The following FARS2 variants were observed in gnomAD, a reference collection of about 807,000 sequenced individuals.
FARS2 encodes phenylalanine--tRNA ligase, mitochondrial.
Under a neutral mutation model 46.4 loss-of-function variants are expected in FARS2, and 40 were observed. The observed-to-expected ratio is 0.86, with a 90% confidence interval of 0.67 to 1.12. The LOEUF (loss-of-function observed/expected upper bound fraction) is 1.12, where lower values mean the gene tolerates loss of function less well. Among genes scored for constraint, FARS2 ranks in the 50% most tolerant of loss-of-function variants. The pLI is 0.00. For synonymous variants in FARS2, 234 were observed against 214.9 expected (o/e 1.09, Z -0.78); for missense variants, 513 against 567.9 (o/e 0.90, Z 0.98).
chr6:5,736,768 A>C (rs753631369), intron 6 of FARS2, among the ~76,000 whole-genome samples: 5 of 152,004 alleles, frequency 3.3e-5, no homozygotes, highest in Non-Finnish European at 7.3e-5. Context: ...TCTTGCATAA[A>C]TTTAAACCAC....
rs1760336079 is a variant in FARS2, at chr6:5,727,393, C to T, written c.1218-43898C>T. 6.6e-6 allele frequency among the ~76,000 whole-genome samples: 1 copy of T among 152,218 alleles called. No individual in the cohort carries two copies. The highest frequency in any genetic ancestry group is 1.5e-5 in the Non-Finnish European group (1 of 68,038). ...CTCTGAGGCAGTGGTGTCACTTATA[C>T]TTGTTACACTTTTCAGAGGCAGGGT... On this transcript the variant is annotated intron_variant, in intron 6 of 6. Coordinates refer to ENST00000274680, the MANE Select transcript of FARS2 (RefSeq NM_006567.5). This position sits in a 1 kb window ranked among gnomAD's most constrained non-coding sequence, Gnocchi z 4.1.
At chr6:5,750,248 A>T (rs1324416300) in intron 6 of FARS2, among the ~76,000 whole-genome samples, 1 of 151,910 alleles carries the variant, frequency 6.6e-6, no homozygotes, top group African/African-American at 2.4e-5. Flanking sequence ...AATGAGCGGG[A>T]ATTGATGAAA....
chr6:5,641,502 G>T (rs962611722), intron 6 of FARS2, among the ~76,000 whole-genome samples: 2 of 152,056 alleles, frequency 1.3e-5, no homozygotes, highest in Non-Finnish European at 2.9e-5. Context: ...TTGCCATGTT[G>T]GCCAGGCTGG....
intron 4 of FARS2, among the ~76,000 whole-genome samples, chr6:5,479,380 A>C (rs746973037): frequency 2.0e-5 from 3 of 152,176 alleles, no homozygotes; most frequent in Non-Finnish European, 4.4e-5. Context: ...CATAGAGTGC[A>C]TTTTAGGAGG....
At chr6:5,442,916 C>T (rs1349216339) in intron 4 of FARS2, among the ~76,000 whole-genome samples, 1 of 152,176 alleles carries the variant, frequency 6.6e-6, no homozygotes, top group Non-Finnish European at 1.5e-5. Flanking sequence ...CAACTTCTCT[C>T]AAGCTGTGGT....
rs185695462 is a variant in FARS2 at position 5,331,544 on chromosome 6, G to A, written c.-21-37006G>A. Among the ~76,000 whole-genome samples the A allele has an allele frequency of 2.4e-4, 37 of 152,284 alleles. 1 individual carries two copies. The highest frequency in any genetic ancestry group is 8.7e-4 in the African/African-American group (36 of 41,554). On this transcript the variant is annotated intron_variant, in intron 1 of 6. Coordinates refer to ENST00000274680, the MANE Select transcript of FARS2 (RefSeq NM_006567.5). ...CACATTTGTCTCTAGTTCCCCTGGT[G>A]CTATTATTGCCAATAGTGCAATAAC...
intron 2 of FARS2, among the ~76,000 whole-genome samples, chr6:5,379,340 G>A (rs1027133399): frequency 6.6e-6 from 1 of 152,206 alleles, no homozygotes; most frequent in Non-Finnish European, 1.5e-5. Context: ...ACATGTGTCT[G>A]TTAGGGTCCA....
At chr6:5,590,748 T>A (rs1417453706) in intron 5 of FARS2, among the ~76,000 whole-genome samples, 1 of 152,236 alleles carries the variant, frequency 6.6e-6, no homozygotes, top group Non-Finnish European at 1.5e-5. Flanking sequence ...AGGGAAGAGA[T>A]ATTTTGCTCC....
intron 1 of FARS2, among the ~76,000 whole-genome samples, chr6:5,307,951 G>C (rs944401498): frequency 2.0e-5 from 3 of 152,054 alleles, no homozygotes; most frequent in African/African-American, 7.2e-5. Flanking sequence ...GTAAATGCTT[G>C]TTTTTGACCT....
At chr6:5,752,689 G>T (rs1463081329) in intron 6 of FARS2, among the ~76,000 whole-genome samples, 1 of 152,114 alleles carries the variant, frequency 6.6e-6, no homozygotes, top group African/African-American at 2.4e-5. Context: ...AGAAGCGCTA[G>T]GAAGCTCTTG....
At position 5,630,725 on chromosome 6, in the gene FARS2, C is replaced by T. The variant is rs1159722782; in HGVS notation, c.1217+17405C>T. Among the ~76,000 whole-genome samples, 2 of 152,218 alleles carry T rather than the reference C, an allele frequency of 1.3e-5. No homozygotes were observed. Among genetic ancestry groups the T allele is most frequent in the Non-Finnish European group, 2.9e-5 (2 of 68,048 alleles). ...CCCTCTCTGAGAAGGGAGAATTACA[C>T]AGACGTGATGATTGGCTATCAGAGT... is the stretch of plus-strand genomic sequence containing the variant. On this transcript the variant is annotated intron_variant, in intron 6 of 6. Transcript: ENST00000274680. This position sits in a 1 kb window ranked among gnomAD's most constrained non-coding sequence, Gnocchi z 4.2.
intron 1 of FARS2, among the ~76,000 whole-genome samples, chr6:5,275,852 AT>A (rs2127839898): frequency 1.8e-5 from 2 of 109,456 alleles, no homozygotes; most frequent in African/African-American, 6.2e-5. Context: ...AGTGATACAT[AT>A]TTTGCATACT....
intron 4 of FARS2, among the ~76,000 whole-genome samples, chr6:5,436,330 A>G (rs1042746383): frequency 1.3e-5 from 2 of 152,118 alleles, no homozygotes; most frequent in African/African-American, 2.4e-5. Context: ...CTGGTAGTTG[A>G]TCTCTATAGC....
intron 5 of FARS2, among the ~76,000 whole-genome samples, chr6:5,579,244 T>C (rs1453364521): frequency 1.3e-5 from 2 of 152,288 alleles, no homozygotes; most frequent in African/African-American, 2.4e-5. Flanking sequence ...TACCAATGAC[T>C]TTGCCCATCT....
intron 6 of FARS2, among the ~76,000 whole-genome samples, chr6:5,642,624 CA>C (rs1278254027): frequency 1.5e-3 from 226 of 147,590 alleles, no homozygotes; most frequent in African/African-American, 5.2e-3. Context: ...TTTTAAATGT[CA>C]AAAAAAAAAA....
intron 5 of FARS2, among the ~76,000 whole-genome samples, chr6:5,608,518 T>C (rs1774978327): frequency 6.6e-6 from 1 of 152,212 alleles, no homozygotes; most frequent in Non-Finnish European, 1.5e-5. Flanking sequence ...CTGTAGTTTT[T>C]TTTGAGTATT....
chr6:5,672,614 A>T (rs1778535374), intron 6 of FARS2, among the ~76,000 whole-genome samples: 1 of 152,212 alleles, frequency 6.6e-6, no homozygotes, highest in African/African-American at 2.4e-5. Flanking sequence ...GGCTATAAAA[A>T]TTCAGGAAAA....
At position 5,755,328 on chromosome 6, in the gene FARS2, A is replaced by G. The variant is rs1353670441; in HGVS notation, c.1218-15963A>G. Among the ~76,000 whole-genome samples, 5 of 152,020 alleles carry G rather than the reference A, an allele frequency of 3.3e-5. No homozygotes were observed. The East Asian group carries it at 9.6e-4, about 29-fold the overall frequency. ...TACATTAGGTATTTCTGCTAATGCT[A>G]TCCCACCCCTAGCCTCCCACCCCTT... On this transcript the variant is annotated intron_variant, in intron 6 of 6. Transcript: ENST00000274680.
chr6:5,603,346 A>G (rs1774650843), intron 5 of FARS2, among the ~76,000 whole-genome samples: 1 of 152,214 alleles, frequency 6.6e-6, no homozygotes, highest in African/African-American at 2.4e-5. Context: ...TGTTACTTAC[A>G]TAAATGCAGA....
Sources: allele counts gnomAD v4.1 joint callset (sites outside exome capture counted in the v4.1 genomes callset), GRCh38; gene constraint gnomAD v4.1.1; non-coding constraint Gnocchi (gnomAD v3.1); transcripts MANE v1.5; gene names NCBI Gene and HGNC (gene_info 2026-07-23, HGNC 2026-07-21).